The following PPP1R1C variants were observed in gnomAD, a reference collection of about 807,000 sequenced individuals.
The protein encoded by PPP1R1C is protein phosphatase 1 regulatory inhibitor subunit 1C.
In PPP1R1C, 15 loss-of-function variants were observed where a neutral mutation model predicts 17.4. The ratio of observed to expected loss-of-function variants is 0.86; its 90% CI spans 0.58 to 1.33. PPP1R1C has a LOEUF of 1.33. Ranked by LOEUF, PPP1R1C falls within the 40% of genes most tolerant of loss-of-function variation. The probability of loss-of-function intolerance (pLI) is 0.00; values close to 1 mark genes in which losing one functional copy is unlikely to be tolerated. For synonymous variants in PPP1R1C, 35 were observed against 43.1 expected (o/e 0.81, Z 0.73); for missense variants, 143 against 130.0 (o/e 1.10, Z -0.48).
chr2:181,964,607 T>C (rs907839106), intron 1 of PPP1R1C, among the ~76,000 whole-genome samples: 12 of 152,342 alleles, frequency 7.9e-5, no homozygotes, highest in African/African-American at 2.4e-4. Context: ...GTTTCCTGTT[T>C]TGCTACATCT....
intron 2 of PPP1R1C, among the ~76,000 whole-genome samples, chr2:181,993,138 CA>C (rs1685513965): frequency 6.6e-6 from 1 of 152,090 alleles, no homozygotes; most frequent in Non-Finnish European, 1.5e-5. Context: ...TTGAATTGTT[CA>C]AAACGCAAGG....
In PPP1R1C at chr2:181,962,407, G is replaced by A. The variant is rs542338060; in HGVS notation, n.111+7773G>A. 578 of 720,378 alleles carry A rather than the reference G, an allele frequency of 8.0e-4. 1 individual carries two copies. The highest frequency in any genetic ancestry group is 1.0e-3 in the Non-Finnish European group (419 of 403,872). 44.6% of individuals were successfully genotyped at this position (720,378 alleles called of 1,614,324 possible). On this transcript the variant is annotated intron_variant and non_coding_transcript_variant, in intron 1 of 5. Transcript: ENST00000464264. The surrounding 1 kb of genome is among the most constrained non-coding windows in gnomAD (Gnocchi z 6.0). ...CCATGCAGCTGGCCGGCCGGGCGCCGTAGTTGGACACCTGGACAGAGCCCA... is the reference window on the plus strand; with the variant it reads ...CCATGCAGCTGGCCGGCCGGGCGCCATAGTTGGACACCTGGACAGAGCCCA...
Position 182,061,050 on chromosome 2 carries a change from G to A in PPP1R1C, c.143-392G>A, listed in dbSNP as rs991114019. ...GAGTGGGAAAGGAGATTTGATTTGG[G>A]TAGTGACAAACTTGAGGAAATTTGA... On this transcript the variant is annotated intron_variant, in intron 2 of 4. Transcript: ENST00000682840. Among the ~76,000 whole-genome samples, 15 of 152,232 alleles carry A rather than the reference G, an allele frequency of 9.9e-5. No homozygotes were observed. The South Asian group carries it at 3.1e-3, about 32-fold the overall frequency.
intron 2 of PPP1R1C, among the ~76,000 whole-genome samples, chr2:182,036,550 A>G (rs966174319): frequency 1.3e-5 from 2 of 152,220 alleles, no homozygotes; most frequent in Non-Finnish European, 2.9e-5. Context: ...GTATTTAGAT[A>G]GTTAAAATAA....
In PPP1R1C at chr2:182,123,670, C is replaced by T. The variant is rs549868869; in HGVS notation, c.*7-5304C>T. ...TGTCTTCTTTTGAAAAGTGTCTGTT[C>T]GTATCCTTTGCCCACTTTTTGATGG... On this transcript the variant is annotated intron_variant, in intron 5 of 5. Coordinates refer to the PPP1R1C transcript ENST00000280295. Among the ~76,000 whole-genome samples, 11 of 152,270 alleles carry T rather than the reference C, an allele frequency of 7.2e-5. No homozygotes were observed. In the South Asian group the frequency reaches 1.9e-3, roughly 26 times the overall value.
At position 181,962,987 on chromosome 2, in the gene PPP1R1C, G is replaced by C. The variant is rs11898245; in HGVS notation, n.111+8353G>C. On this transcript the variant is annotated intron_variant and non_coding_transcript_variant, in intron 1 of 5. Coordinates refer to the PPP1R1C transcript ENST00000464264. The surrounding 1 kb of genome is among the most constrained non-coding windows in gnomAD (Gnocchi z 6.0). ...ATATACAACACAGAGCAGGGCTGCC[G>C]ATCCCCAAGACTCTAAATAAAAGTT... Among the ~76,000 whole-genome samples the C allele has an allele frequency of 1.1e-4, 16 of 152,094 alleles. No homozygotes were observed. The highest frequency in any genetic ancestry group is 3.6e-4 in the African/African-American group (15 of 41,392).
rs1477998565 is a variant in PPP1R1C at position 181,967,983 on chromosome 2, G to A, written n.112-7236G>A. 6.6e-6 allele frequency among the ~76,000 whole-genome samples: 1 copy of A among 152,214 alleles called. No individual in the cohort carries two copies. The highest frequency in any genetic ancestry group is 2.4e-5 in the African/African-American group (1 of 41,460). ...ACCCGCCTTGGTCTCCCAAAGTGCTGGGATTGCAGGCATAAGCCACTGTGC... is the reference window on the plus strand; with the variant it reads ...ACCCGCCTTGGTCTCCCAAAGTGCTAGGATTGCAGGCATAAGCCACTGTGC... On this transcript the variant is annotated intron_variant and non_coding_transcript_variant, in intron 1 of 5. Coordinates refer to the PPP1R1C transcript ENST00000464264. This position sits in a 1 kb window ranked among gnomAD's most constrained non-coding sequence, Gnocchi z 5.5.
intron 2 of PPP1R1C, among the ~76,000 whole-genome samples, chr2:182,030,264 G>A (rs577663124): frequency 4.1e-4 from 62 of 152,310 alleles, no homozygotes; most frequent in African/African-American, 9.9e-4. Context: ...GAAGAACTGC[G>A]TTCCTTTGGA....
downstream of PPP1R1C, among the ~76,000 whole-genome samples, chr2:182,120,666 G>C (rs1689712595): frequency 6.6e-6 from 1 of 152,088 alleles, no homozygotes; most frequent in African/African-American, 2.4e-5. Flanking sequence ...GAGAGTATTT[G>C]AGACACCCTG....
chr2:182,079,750 T>C (rs1688418161), intron 4 of PPP1R1C, among the ~76,000 whole-genome samples: 1 of 152,186 alleles, frequency 6.6e-6, no homozygotes, highest in African/African-American at 2.4e-5. Context: ...ATGCTCCCAC[T>C]GAAGGCTGTA....
chr2:182,124,955 C>A (rs1689839193), intron 5 of PPP1R1C, among the ~76,000 whole-genome samples: 1 of 152,100 alleles, frequency 6.6e-6, no homozygotes, highest in African/African-American at 2.4e-5. Flanking sequence ...TGAGAGGGGG[C>A]ATCCTTGTCT....
intron 2 of PPP1R1C, among the ~76,000 whole-genome samples, chr2:182,055,712 C>T (rs1363202897): frequency 6.6e-6 from 1 of 152,144 alleles, no homozygotes. Context: ...CTTCTGGCTT[C>T]ATGATTTCTC....
intron 2 of PPP1R1C, among the ~76,000 whole-genome samples, chr2:182,002,937 C>CA (rs1392409021): frequency 2.2e-5 from 3 of 137,966 alleles, no homozygotes; most frequent in Admixed American, 7.1e-5. Flanking sequence ...ACCTCCCCCC[C>CA]CCCACAACCC....
At chr2:181,997,893 G>A (rs1685658919) in intron 2 of PPP1R1C, among the ~76,000 whole-genome samples, 1 of 152,114 alleles carries the variant, frequency 6.6e-6, no homozygotes, top group Admixed American at 6.5e-5. Flanking sequence ...ACCACACAAC[G>A]TTAGGATCAT....
chr2:182,109,865 G>T (rs943985915), intron 4 of PPP1R1C, among the ~76,000 whole-genome samples: 2 of 152,132 alleles, frequency 1.3e-5, no homozygotes. Context: ...AAATTATCTC[G>T]TTGATGATGA....
chr2:182,125,850 T>C (rs1256244810), intron 5 of PPP1R1C, among the ~76,000 whole-genome samples: 1 of 152,234 alleles, frequency 6.6e-6, no homozygotes, highest in East Asian at 1.9e-4. Context: ...AGAAAATCTT[T>C]TCAAAGAAAC....
intron 4 of PPP1R1C, among the ~76,000 whole-genome samples, chr2:182,111,783 T>A (rs1177813761): frequency 2.0e-5 from 3 of 152,030 alleles, no homozygotes; most frequent in South Asian, 4.1e-4. Flanking sequence ...ATTCCTAGCA[T>A]TATTTTTGTG....
At chr2:182,070,630 A>T (rs974704691) in intron 4 of PPP1R1C, among the ~76,000 whole-genome samples, 1 of 152,212 alleles carries the variant, frequency 6.6e-6, no homozygotes, top group South Asian at 2.1e-4. Flanking sequence ...CCTATTATTT[A>T]TGTCTCATGT....
In PPP1R1C at chr2:182,039,048, G is replaced by T. The variant is rs188140764; in HGVS notation, c.143-22394G>T. On this transcript the variant is annotated intron_variant, in intron 2 of 4. Transcript: ENST00000682840. ...TTGCTTTGAGTACGAGTTTGGAGTA[G>T]ATGTTCTTTATGTTCTTCCACACAA... Among the ~76,000 whole-genome samples, 200 of 152,264 alleles carry T rather than the reference G, an allele frequency of 1.3e-3. 1 individual carries two copies. The highest frequency in any genetic ancestry group is 2.3e-3 in the Non-Finnish European group (157 of 68,014).
Sources: gnomAD v4.1 joint callset for allele counts (sites outside exome capture counted in the v4.1 genomes callset) on GRCh38, gnomAD v4.1.1 for gene constraint, Gnocchi (gnomAD v3.1) non-coding constraint, MANE v1.5 for transcripts, NCBI Gene and HGNC (gene_info 2026-07-23, HGNC 2026-07-21) for gene names.